FERMT1: variants seen among roughly 807,000 people sequenced by gnomAD.
FERMT1 encodes the protein FERM domain containing kindlin 1.
A neutral mutation model predicts 85.3 loss-of-function variants in FERMT1; 60 were observed. The ratio of observed to expected loss-of-function variants is 0.70; its 90% CI spans 0.57 to 0.87. The LOEUF (loss-of-function observed/expected upper bound fraction) is 0.87, where lower values mean the gene tolerates loss of function less well. Ranked by LOEUF, FERMT1 falls within the 40% of genes least tolerant of loss-of-function variation. The probability of loss-of-function intolerance (pLI) is 0.00; values close to 1 mark genes in which losing one functional copy is unlikely to be tolerated. For synonymous variants in FERMT1, 275 were observed against 301.1 expected (o/e 0.91, Z 0.90); for missense variants, 701 against 818.9 (o/e 0.86, Z 1.76).
At chr20:6,107,509 A>G (rs758119779) in intron 6 of FERMT1, 23 bp downstream of exon 6, 2 of 1,420,306 alleles carry the variant, frequency 1.4e-6, no homozygotes, top group Non-Finnish European at 2.0e-6. Flanking sequence ...AAAGAGAAAG[A>G]CAAAAGAGAA....
rs78376640 is a variant in FERMT1, at chr20:6,098,880, C to A, written c.850-1249G>T. Among the ~76,000 whole-genome samples the A allele has an allele frequency of 8.4e-3, 1,279 of 152,174 alleles. 13 individuals are homozygous for A. Among genetic ancestry groups the A allele is most frequent in the African/African-American group, 0.027 (1,136 of 41,508 alleles). ...CACTGCTAGGTGTAAAATGATGCAG[C>A]CTCTGTAGAAAAGTTTGGCAGTTCT... is the stretch of plus-strand genomic sequence containing the variant. On this transcript the variant is annotated intron_variant, in intron 6 of 14. Transcript: ENST00000217289.
At chr20:6,108,773 C>CA (rs977843687) in intron 5 of FERMT1, among the ~76,000 whole-genome samples, 48 of 150,648 alleles carry the variant, frequency 3.2e-4, no homozygotes, top group African/African-American at 1.1e-3. Context: ...GAGATCATGC[C>CA]ATTGCACTCC....
chr20:6,085,430 G>C (rs1029265322), intron 11 of FERMT1, 143 bp from the exon 12 acceptor site: 3 of 726,988 alleles, frequency 4.1e-6, no homozygotes, highest in Non-Finnish European at 7.3e-6. Flanking sequence ...GTTGTGAGTG[G>C]CTGCTCATCA....
Position 6,115,825 on chromosome 20 carries a change from A to AT in FERMT1, c.370dup (p.Ile124AsnfsTer8), listed in dbSNP as rs1568665600. 1.2e-6 allele frequency: 2 copies of AT among 1,613,970 alleles called. No homozygotes were observed. Among genetic ancestry groups the AT allele is most frequent in the Admixed American group, 3.3e-5 (2 of 60,022 alleles). On this transcript the variant is annotated frameshift_variant, in exon 3 of 15. Transcript: ENST00000217289. LOFTEE classifies it high-confidence loss of function. ...TGGGTACTTACTCAGGATTTTGCAG[A>AT]TATCACTGACAGCTTTAAAAACCAC...
intron 10 of FERMT1, among the ~76,000 whole-genome samples, chr20:6,088,698 G>A (rs144639418): frequency 0.021 from 3,080 of 148,448 alleles, 65 homozygotes; most frequent in Admixed American, 0.057. Context: ...GCATCATCTC[G>A]GCTCACTGCA....
intron 2 of FERMT1, among the ~76,000 whole-genome samples, chr20:6,117,753 G>C (rs1239452454): frequency 6.8e-6 from 1 of 147,940 alleles, no homozygotes; most frequent in Non-Finnish European, 1.5e-5. Flanking sequence ...TACCATGTTG[G>C]CCAGGCTGGT....
chr20:6,111,597 A>G (rs1982951455), intron 4 of FERMT1, among the ~76,000 whole-genome samples: 1 of 152,030 alleles, frequency 6.6e-6, no homozygotes, highest in Admixed American at 6.6e-5. Context: ...GTGCCACTGC[A>G]CTCCAGCTTG....
At chr20:6,077,869 C>T (rs148374018) in intron 14 of FERMT1, among the ~76,000 whole-genome samples, 766 of 152,090 alleles carry the variant, frequency 5.0e-3, no homozygotes, top group Admixed American at 7.9e-3. Flanking sequence ...TCAGTAGAGA[C>T]GGGGGTTTCA....
chr20:6,087,330 G>T (rs1457409182), intron 11 of FERMT1, among the ~76,000 whole-genome samples: 3 of 152,014 alleles, frequency 2.0e-5, no homozygotes, highest in African/African-American at 7.2e-5. Context: ...TTTTCTGGGG[G>T]AACAGAGTCT....
At chr20:6,111,241 T>G (rs1239362601) in intron 4 of FERMT1, among the ~76,000 whole-genome samples, 1 of 152,242 alleles carries the variant, frequency 6.6e-6, no homozygotes, top group African/African-American at 2.4e-5. Context: ...TAGCAGGACT[T>G]GCCAATTTTA....
intron 13 of FERMT1, 72 bp from the exon 14 acceptor site, chr20:6,079,649 T>C: frequency 7.2e-7 from 1 of 1,389,042 alleles, no homozygotes; most frequent in Admixed American, 1.8e-5. Context: ...CACATATAAC[T>C]TCTTAAAAAT....
At chr20:6,102,679 GAAAAAAAAAAA>G (rs769578429) in intron 6 of FERMT1, among the ~76,000 whole-genome samples, 1 of 50,764 alleles carries the variant, frequency 2.0e-5, no homozygotes, top group African/African-American at 6.8e-5. Flanking sequence ...TGTGTCTCAA[GAAAAAAAAAAA>G]AAAAAAAAAA....
chr20:6,097,989 G>A (rs1349943981), intron 6 of FERMT1, among the ~76,000 whole-genome samples: 1 of 151,564 alleles, frequency 6.6e-6, no homozygotes, highest in Non-Finnish European at 1.5e-5. Context: ...TAATGTTTGT[G>A]TTTTTTTGTA....
At chr20:6,081,833 G>C (rs1160490302) in intron 13 of FERMT1, among the ~76,000 whole-genome samples, 1 of 152,150 alleles carries the variant, frequency 6.6e-6, no homozygotes, top group African/African-American at 2.4e-5. Context: ...TCTTCTGCAT[G>C]TCACCCTTGG....
At chr20:6,081,129 A>G (rs1981983321) in intron 13 of FERMT1, among the ~76,000 whole-genome samples, 1 of 151,998 alleles carries the variant, frequency 6.6e-6, no homozygotes, top group Non-Finnish European at 1.5e-5. Flanking sequence ...TCCTAAAAGA[A>G]AGTTAGCTAG....
At chr20:6,087,161 C>A (rs1017462367) in intron 11 of FERMT1, among the ~76,000 whole-genome samples, 3 of 152,116 alleles carry the variant, frequency 2.0e-5, no homozygotes, top group Admixed American at 2.0e-4. Context: ...CCCTAGGCAG[C>A]CTGGGACCCA....
chr20:6,080,980 A>G (rs1031714080), intron 13 of FERMT1, among the ~76,000 whole-genome samples: 10 of 152,200 alleles, frequency 6.6e-5, no homozygotes, highest in African/African-American at 2.4e-4. Context: ...GATTGAGAAG[A>G]GGAATGCTTT....
At chr20:6,102,566 A>G (rs1221633175) in intron 6 of FERMT1, among the ~76,000 whole-genome samples, 1 of 150,430 alleles carries the variant, frequency 6.6e-6, no homozygotes, top group African/African-American at 2.5e-5. Flanking sequence ...AGTCCCAGCT[A>G]CTCGGGAGGC....
intron 6 of FERMT1, among the ~76,000 whole-genome samples, chr20:6,106,566 C>T (rs776061765): frequency 1.1e-4 from 17 of 152,152 alleles, no homozygotes; most frequent in Non-Finnish European, 2.2e-4. Context: ...CAGTTTATAT[C>T]GTCGACACTG....
Sources: gnomAD v4.1 joint callset for allele counts (sites outside exome capture counted in the v4.1 genomes callset) on GRCh38, gnomAD v4.1.1 for gene constraint, MANE v1.5 for transcripts, NCBI Gene and HGNC (gene_info 2026-07-23, HGNC 2026-07-21) for gene names.